The following HIP1 variants were observed in gnomAD, a reference collection of about 807,000 sequenced individuals.
The protein encoded by HIP1 is huntingtin-interacting protein 1.
A neutral mutation model predicts 147.6 loss-of-function variants in HIP1; 65 were observed. The ratio of observed to expected loss-of-function variants is 0.44; its 90% CI spans 0.36 to 0.54. The LOEUF (loss-of-function observed/expected upper bound fraction) is 0.54, where lower values mean the gene tolerates loss of function less well. Among genes scored for constraint, HIP1 ranks in the 20% least tolerant of loss-of-function variants. HIP1 has a pLI of 0.00. For synonymous variants in HIP1, 479 were observed against 504.0 expected (o/e 0.95, Z 0.67); for missense variants, 1,061 against 1,299.6 (o/e 0.82, Z 2.82).
chr7:75,674,964 G>A (rs1284209140), intron 1 of HIP1, among the ~76,000 whole-genome samples: 1 of 151,614 alleles, frequency 6.6e-6, no homozygotes, highest in Non-Finnish European at 1.5e-5. Flanking sequence ...TCAGATGTGT[G>A]GACTACTATT....
chr7:75,729,665 A>G (rs539580558), intron 1 of HIP1, among the ~76,000 whole-genome samples: 1 of 152,230 alleles, frequency 6.6e-6, no homozygotes, highest in Admixed American at 6.5e-5. Flanking sequence ...AGGCGCCTGT[A>G]ATCCCAGCTA....
chr7:75,548,632 A>C (rs1446081131), intron 23 of HIP1, among the ~76,000 whole-genome samples: 1 of 151,976 alleles, frequency 6.6e-6, no homozygotes, highest in Non-Finnish European at 1.5e-5. Context: ...ATGCACCACC[A>C]TGCCCAGCTA....
At chr7:75,544,947 T>C in intron 26 of HIP1, 141 bp downstream of exon 26, 1 of 751,628 alleles carries the variant, frequency 1.3e-6, no homozygotes, top group Non-Finnish European at 2.3e-6. Flanking sequence ...CCAGGCTCCC[T>C]TGTAAACTCG....
At chr7:75,646,307 G>A (rs1798801129) in intron 1 of HIP1, among the ~76,000 whole-genome samples, 2 of 152,066 alleles carry the variant, frequency 1.3e-5, no homozygotes, top group Admixed American at 6.6e-5. Context: ...GGCTGGCGTC[G>A]AACTCCTGAC....
At chr7:75,664,497 CATATATAT>C (rs1454632872) in intron 1 of HIP1, among the ~76,000 whole-genome samples, 3 of 140,188 alleles carry the variant, frequency 2.1e-5, no homozygotes, top group African/African-American at 8.1e-5. Flanking sequence ...TATACACATA[CATATATAT>C]GTATGTGTAT....
intron 1 of HIP1, among the ~76,000 whole-genome samples, chr7:75,694,676 C>T (rs1563298307): frequency 7.1e-6 from 1 of 140,372 alleles, no homozygotes; most frequent in African/African-American, 2.7e-5. Flanking sequence ...CACCTGGCTA[C>T]TTTTTTTTTT....
chr7:75,590,105 G>A (rs587669347), intron 4 of HIP1, among the ~76,000 whole-genome samples: 3 of 152,238 alleles, frequency 2.0e-5, no homozygotes, highest in South Asian at 4.1e-4. Context: ...AGTTAGAAAG[G>A]AAATAATTCA....
At chr7:75,589,676 C>CT (rs1384781090) in intron 4 of HIP1, among the ~76,000 whole-genome samples, 2 of 88,136 alleles carry the variant, frequency 2.3e-5, no homozygotes, top group African/African-American at 1.1e-4. Flanking sequence ...GAGCAAGACT[C>CT]TGTCTCCAAA....
At chr7:75,711,491 G>T (rs533007390) in intron 1 of HIP1, among the ~76,000 whole-genome samples, 1 of 152,316 alleles carries the variant, frequency 6.6e-6, no homozygotes, top group African/African-American at 2.4e-5. Flanking sequence ...AAAGAGCCAT[G>T]TAGTTTCTCT....
chr7:75,563,847 A>G (rs1453407485), intron 9 of HIP1, among the ~76,000 whole-genome samples: 1 of 152,212 alleles, frequency 6.6e-6, no homozygotes, highest in Non-Finnish European at 1.5e-5. Context: ...ACTATGTCCT[A>G]ATCTTGGGTG....
intron 30 of HIP1, 135 bp downstream of exon 30, chr7:75,539,188 C>G: frequency 1.5e-6 from 1 of 659,936 alleles, no homozygotes; most frequent in South Asian, 1.9e-5. Flanking sequence ...AAAACAGGTT[C>G]CATGAGGAGA....
At chr7:75,640,467 C>T (rs967247284) in intron 1 of HIP1, among the ~76,000 whole-genome samples, 6 of 152,194 alleles carry the variant, frequency 3.9e-5, no homozygotes, top group Non-Finnish European at 8.8e-5. Context: ...GGCGGGCTCA[C>T]GCCTGTAATC....
chr7:75,653,477 AC>A (rs1426185121), intron 1 of HIP1, among the ~76,000 whole-genome samples: 1 of 151,606 alleles, frequency 6.6e-6, no homozygotes, highest in Admixed American at 6.6e-5. Flanking sequence ...ACATAGTGAG[AC>A]CCCCATCTCT....
At chr7:75,718,196 T>C (rs1801381528) in intron 1 of HIP1, among the ~76,000 whole-genome samples, 1 of 151,428 alleles carries the variant, frequency 6.6e-6, no homozygotes, top group African/African-American at 2.4e-5. Context: ...AATAAATAAA[T>C]AAAAATAAAT....
At chr7:75,622,529 C>T (rs1441419932) in intron 1 of HIP1, among the ~76,000 whole-genome samples, 4 of 150,730 alleles carry the variant, frequency 2.7e-5, no homozygotes, top group Non-Finnish European at 4.4e-5. Context: ...AGTGAAACCC[C>T]GTCTCTACCA....
At chr7:75,616,751 C>T (rs1481996049) in intron 1 of HIP1, among the ~76,000 whole-genome samples, 1 of 152,170 alleles carries the variant, frequency 6.6e-6, no homozygotes, top group Non-Finnish European at 1.5e-5. Flanking sequence ...GGGTGGATGT[C>T]CACACATACA....
At chr7:75,540,193 CA>C (rs1554489585) in intron 29 of HIP1, among the ~76,000 whole-genome samples, 1 of 151,838 alleles carries the variant, frequency 6.6e-6, no homozygotes, top group East Asian at 1.9e-4. Flanking sequence ...TTTGGGAGGC[CA>C]ACGTGGGTGG....
chr7:75,620,733 G>A lies in HIP1; in HGVS notation c.121-21486C>T, dbSNP rs184851198. Among the ~76,000 whole-genome samples the A allele has an allele frequency of 2.2e-3, 333 of 152,010 alleles. 1 individual carries two copies. Among genetic ancestry groups the A allele is most frequent in the African/African-American group, 7.7e-3 (318 of 41,470 alleles). On this transcript the variant is annotated intron_variant, in intron 1 of 30. Transcript: ENST00000336926. Reference sequence around the variant, plus strand: ...AAATAAACAAAACCAAAATAAAACAGCAAGGAACAGAGATGACGATCTCTG... The same window carrying A: ...AAATAAACAAAACCAAAATAAAACAACAAGGAACAGAGATGACGATCTCTG...
At chr7:75,633,239 T>G (rs1798301430) in intron 1 of HIP1, among the ~76,000 whole-genome samples, 3 of 152,234 alleles carry the variant, frequency 2.0e-5, no homozygotes. Context: ...TTTCATGATC[T>G]AATGCTTACC....
Sources: gnomAD v4.1 joint callset for allele counts (sites outside exome capture counted in the v4.1 genomes callset) on GRCh38, gnomAD v4.1.1 for gene constraint, MANE v1.5 for transcripts, NCBI Gene and HGNC (gene_info 2026-07-23, HGNC 2026-07-21) for gene names.